The following UBAC2 variants were observed in gnomAD, a reference collection of about 807,000 sequenced individuals.
UBAC2 encodes the protein UBA domain containing 2.
A neutral mutation model predicts 44.0 loss-of-function variants in UBAC2; 26 were observed. The ratio of observed to expected loss-of-function variants is 0.59; its 90% CI spans 0.43 to 0.82. The LOEUF (loss-of-function observed/expected upper bound fraction) is 0.82. UBAC2 is among the 40% of genes least tolerant of loss of function. UBAC2 has a pLI of 0.00. For missense variants in UBAC2, 329 were observed against 419.4 expected (o/e 0.78, Z 1.88); for synonymous variants, 155 against 154.3 (o/e 1.00, Z -0.04).
At chr13:99,325,349 C>T (rs1407132499) in intron 6 of UBAC2, among the ~76,000 whole-genome samples, 5 of 152,138 alleles carry the variant, frequency 3.3e-5, no homozygotes, top group East Asian at 3.9e-4. Context: ...GTGATCCACC[C>T]GCCTCGGCCT....
intron 6 of UBAC2, among the ~76,000 whole-genome samples, chr13:99,329,823 T>A (rs1441313898): frequency 2.0e-5 from 3 of 152,182 alleles, no homozygotes; most frequent in African/African-American, 7.2e-5. Flanking sequence ...CCTTGAGCCA[T>A]AACCACTCAG....
At position 99,256,593 on chromosome 13, in the gene UBAC2, T is replaced by C. The variant is rs2043562349; in HGVS notation, c.389+11969T>C. The C allele has an allele frequency of 2.0e-5, 3 of 151,982 alleles. No homozygotes were observed. In the South Asian group the frequency reaches 6.2e-4, roughly 31 times the overall value. 9.4% of individuals were successfully genotyped at this position (151,982 alleles called of 1,614,324 possible). On this transcript the variant is annotated intron_variant, in intron 4 of 8. Coordinates refer to ENST00000403766, the MANE Select transcript of UBAC2 (RefSeq NM_001144072.2). ...TAGATTCAGAAGCTTCAATATTATT[T>C]AAATTTTAACAATTTTCAAAGTAAA...
chr13:99,313,761 T>C (rs975300232), intron 4 of UBAC2, among the ~76,000 whole-genome samples: 3 of 152,238 alleles, frequency 2.0e-5, no homozygotes, highest in Non-Finnish European at 2.9e-5. Context: ...TTCTAATGTT[T>C]GCTGCTTTCG....
chr13:99,200,918 A>C lies in UBAC2; in HGVS notation c.10A>C (p.Ser4Arg), dbSNP rs1003294870. MFT[S>R]TGSSGLYKAP... ...CGAGCCCGGCGGGACCATGTTCACC[A>C]GCACCGGCTCCAGTGGGCTCTGTGA... The change falls in exon 1 of 9, where the codon AGC (serine) becomes CGC (arginine). Residue 4 changes from serine (S) to arginine (R), a missense_variant. By Grantham distance (110) the Ser-to-Arg change is moderately radical (BLOSUM62 -1). Transcript: ENST00000403766. The C allele has an allele frequency of 5.4e-6, 7 of 1,306,868 alleles. No homozygotes were observed. The highest frequency in any genetic ancestry group is 6.4e-5 in the Admixed American group (2 of 31,212). 81.0% of individuals were successfully genotyped at this position (1,306,868 alleles called of 1,614,324 possible).
At chr13:99,240,942 T>G (rs560212689) in intron 2 of UBAC2, among the ~76,000 whole-genome samples, 11 of 152,278 alleles carry the variant, frequency 7.2e-5, no homozygotes, top group African/African-American at 2.6e-4. Flanking sequence ...TTTACAAACT[T>G]TAGTTTCTCT....
At chr13:99,214,309 T>C (rs1178170362) in intron 1 of UBAC2, among the ~76,000 whole-genome samples, 1 of 151,974 alleles carries the variant, frequency 6.6e-6, no homozygotes, top group Non-Finnish European at 1.5e-5. Flanking sequence ...GGATCTTGCT[T>C]GGCCGTTCTT....
At chr13:99,379,282 T>C (rs2045520591) in intron 8 of UBAC2, among the ~76,000 whole-genome samples, 1 of 152,242 alleles carries the variant, frequency 6.6e-6, no homozygotes, top group African/African-American at 2.4e-5. Context: ...TCTCATTAGC[T>C]GTAGTTGTGT....
chr13:99,322,815 G>A (rs1235412834), intron 6 of UBAC2, among the ~76,000 whole-genome samples: 1 of 152,184 alleles, frequency 6.6e-6, no homozygotes, highest in African/African-American at 2.4e-5. Flanking sequence ...GATTACAGAA[G>A]CCTTATCAGG....
intron 7 of UBAC2, among the ~76,000 whole-genome samples, chr13:99,361,299 T>C (rs1490332362): frequency 6.6e-6 from 1 of 152,182 alleles, no homozygotes; most frequent in Non-Finnish European, 1.5e-5. Context: ...GAAGACAAAG[T>C]AAAGGAAACA....
chr13:99,217,106 C>T (rs1342187149), intron 1 of UBAC2, among the ~76,000 whole-genome samples: 4 of 152,216 alleles, frequency 2.6e-5, no homozygotes, highest in African/African-American at 4.8e-5. Context: ...GCTGGGATCA[C>T]AGGCGTGAGC....
At chr13:99,354,269 C>T (rs1417891509) in intron 7 of UBAC2, among the ~76,000 whole-genome samples, 1 of 152,216 alleles carries the variant, frequency 6.6e-6, no homozygotes, top group Non-Finnish European at 1.5e-5. Context: ...GGGTGTCAAC[C>T]CAGCATCTGT....
chr13:99,274,267 A>G (rs987916306), intron 4 of UBAC2, among the ~76,000 whole-genome samples: 1 of 151,620 alleles, frequency 6.6e-6, no homozygotes, highest in Non-Finnish European at 1.5e-5. Context: ...ATGTACCTGT[A>G]GTTAATTTTT....
At chr13:99,294,156 A>C (rs985859147) in intron 4 of UBAC2, among the ~76,000 whole-genome samples, 1 of 152,116 alleles carries the variant, frequency 6.6e-6, no homozygotes, top group Non-Finnish European at 1.5e-5. Context: ...ACTGCTCATC[A>C]TGCACCACCC....
In UBAC2 at chr13:99,383,844, G is replaced by A. The variant is rs368990134; in HGVS notation, c.928-1384G>A. ...CTCTTCCCTAAGGCTTTTGGGGGAG[G>A]AGGGTCTGGGTGTCTGGGCCTGGGT... On this transcript the variant is annotated intron_variant, in intron 8 of 8. Coordinates refer to ENST00000403766, the MANE Select transcript of UBAC2 (RefSeq NM_001144072.2). Among the ~76,000 whole-genome samples, 214 of 152,364 alleles carry A rather than the reference G, an allele frequency of 1.4e-3. 2 individuals carry two copies. The highest frequency in any genetic ancestry group is 5.0e-3 in the African/African-American group (209 of 41,592).
chr13:99,368,560 G>A (rs1044553293), intron 8 of UBAC2, among the ~76,000 whole-genome samples: 2 of 152,276 alleles, frequency 1.3e-5, no homozygotes, highest in Middle Eastern at 3.4e-3. Context: ...TTATAGATTT[G>A]AGCAAATGAG....
chr13:99,376,049 G>A (rs1224684097), intron 8 of UBAC2, among the ~76,000 whole-genome samples: 1 of 150,282 alleles, frequency 6.7e-6, no homozygotes, highest in Non-Finnish European at 1.5e-5. Context: ...TCTTGAGGTA[G>A]TAGGCACACA....
chr13:99,232,437 C>CT (rs2142712190), intron 1 of UBAC2, among the ~76,000 whole-genome samples: 1 of 66,062 alleles, frequency 1.5e-5, no homozygotes, highest in South Asian at 4.9e-4. Context: ...CACACATACT[C>CT]TAAGGACCAA....
At chr13:99,383,574 C>T (rs1024905206) in intron 8 of UBAC2, among the ~76,000 whole-genome samples, 10 of 152,224 alleles carry the variant, frequency 6.6e-5, no homozygotes, top group Non-Finnish European at 1.5e-4. Context: ...CCCTCCCCAC[C>T]GCAAGGCATT....
Position 99,315,678 on chromosome 13 carries a change from A to C in UBAC2, c.513+1458A>C, listed in dbSNP as rs2044479169. 3.9e-5 allele frequency among the ~76,000 whole-genome samples: 6 copies of C among 152,184 alleles called. No homozygotes were observed. In the South Asian group the frequency reaches 1.2e-3, roughly 32 times the overall value. On this transcript the variant is annotated intron_variant, in intron 5 of 8. Transcript: ENST00000403766. ...ATATCTACCTTACAGAGGTATTTTAAAGATAGCATGAAGTGTTTAGTGTAA... is the reference window on the plus strand; with the variant it reads ...ATATCTACCTTACAGAGGTATTTTACAGATAGCATGAAGTGTTTAGTGTAA...
Sources: allele counts gnomAD v4.1 joint callset (sites outside exome capture counted in the v4.1 genomes callset), GRCh38; gene constraint gnomAD v4.1.1; transcripts MANE v1.5; gene names NCBI Gene and HGNC (gene_info 2026-07-23, HGNC 2026-07-21).